NWD2: variants seen among roughly 807,000 people sequenced by gnomAD.
The protein encoded by NWD2 is NACHT and WD repeat domain-containing protein 2.
NWD2 carries 37 observed loss-of-function variants against 132.7 expected under a neutral mutation model. That is an observed-to-expected ratio of 0.28 (90% confidence interval 0.21 to 0.37). The LOEUF (loss-of-function observed/expected upper bound fraction) is 0.37. NWD2 is among the 10% of genes least tolerant of loss of function. The pLI is 1.00. For synonymous variants in NWD2, 705 were observed against 803.0 expected (o/e 0.88, Z 2.06); for missense variants, 1,592 against 2,122.4 (o/e 0.75, Z 4.91).
chr4:37,321,122 A>C (rs1001232127), intron 1 of NWD2, among the ~76,000 whole-genome samples: 4 of 152,146 alleles, frequency 2.6e-5, no homozygotes, highest in Non-Finnish European at 5.9e-5. Context: ...ATGCCACTGC[A>C]CTTTCAGCCT....
intron 3 of NWD2, among the ~76,000 whole-genome samples, chr4:37,380,766 GC>G (rs1720435968): frequency 6.6e-6 from 1 of 152,190 alleles, no homozygotes; most frequent in African/African-American, 2.4e-5. Context: ...AGTACTCACA[GC>G]TAGCAAGTGA....
chr4:37,386,165 CT>C (rs1441767569), intron 3 of NWD2, among the ~76,000 whole-genome samples: 1 of 151,924 alleles, frequency 6.6e-6, no homozygotes, highest in East Asian at 1.9e-4. Flanking sequence ...TGTTATTTCT[CT>C]ATAAAGAAAG....
rs1712656621 is a variant in NWD2, at chr4:37,447,075, T to A, written c.5087T>A (p.Val1696Asp). The A allele has an allele frequency of 1.3e-6, 2 of 1,551,632 alleles. No homozygotes were observed. The highest frequency in any genetic ancestry group is 1.7e-6 in the Non-Finnish European group (2 of 1,146,996). ...VDCLWRESTEVFARDSPITVS... is the reference protein window; with the variant it reads ...VDCLWRESTEDFARDSPITVS... ...TGCTTATGGAGAGAGTCCACTGAGG[T>A]CTTTGCAAGAGACAGCCCCATCACA... is the stretch of plus-strand genomic sequence containing the variant. Residue 1696 changes from valine to aspartate, a missense_variant, in exon 7 of 7, where the codon GTC (valine) becomes GAC (aspartate). Physicochemically the swap from Val to Asp is radical, Grantham distance 152. This residue lies in a region of NWD2 where 257 missense variants were observed against 335.0 expected (regional missense o/e 0.77). Transcript: ENST00000309447.
At chr4:37,285,791 A>G (rs1451294451) in intron 1 of NWD2, among the ~76,000 whole-genome samples, 5 of 152,324 alleles carry the variant, frequency 3.3e-5, no homozygotes, top group South Asian at 2.1e-4. Context: ...TGATTTTTTA[A>G]ATCAAAAGTA....
rs554121350 is a variant in NWD2, at chr4:37,438,255, C to T, written c.707-546C>T. Among the ~76,000 whole-genome samples the T allele has an allele frequency of 4.1e-5, 6 of 146,778 alleles. 1 individual carries two copies. Among genetic ancestry groups the T allele is most frequent in the South Asian group, 2.2e-4 (1 of 4,542 alleles). ...CAGCCTGGGCGACAGAGCGAGACTC[C>T]GTCTAAACAAAAAAAAAAAAAGAAA... is the stretch of plus-strand genomic sequence containing the variant. On this transcript the variant is annotated intron_variant, in intron 5 of 6. Coordinates refer to ENST00000309447, the MANE Select transcript of NWD2 (RefSeq NM_001144990.2).
chr4:37,316,499 G>A (rs1454157338), intron 1 of NWD2, among the ~76,000 whole-genome samples: 1 of 151,948 alleles, frequency 6.6e-6, no homozygotes. Context: ...GAACTTCTTT[G>A]GATGTGTAGA....
chr4:37,444,135 G>A lies in NWD2; in HGVS notation c.2147G>A (p.Ser716Asn), dbSNP rs754936901. ...LYIARLKEGL[S>N]GYLIERHVKN... ...ATTGCAAGGCTCAAGGAGGGTCTCA[G>A]TGGATACCTAATAGAAAGACATGTG... Residue 716 changes from serine (S) to asparagine (N), a missense_variant, in exon 7 of 7, where the codon AGT (serine) becomes AAT (asparagine). Physicochemically the swap from Ser to Asn is conservative, Grantham distance 46 (BLOSUM62 1). Around this residue, in one of 7 missense-constraint regions of NWD2, gnomAD observed 1,071 missense variants for 1,398.0 expected, o/e 0.77. Transcript: ENST00000309447. The surrounding 1 kb of genome is among the most constrained non-coding windows in gnomAD (Gnocchi z 4.8). 9.7e-6 allele frequency: 15 copies of A among 1,551,774 alleles called. No homozygotes were observed. Among genetic ancestry groups the A allele is most frequent in the Non-Finnish European group, 1.3e-5 (15 of 1,147,006 alleles).
At chr4:37,344,082 AAC>A (rs1719583494) in intron 2 of NWD2, among the ~76,000 whole-genome samples, 1 of 152,198 alleles carries the variant, frequency 6.6e-6, no homozygotes, top group African/African-American at 2.4e-5. Flanking sequence ...ATGTGCTGTC[AAC>A]AAGTTAGTAT....
chr4:37,424,619 C>T (rs1190807388), intron 3 of NWD2, among the ~76,000 whole-genome samples: 1 of 152,330 alleles, frequency 6.6e-6, no homozygotes, highest in South Asian at 2.1e-4. Context: ...CAGCTTGTTA[C>T]AGCACCAGTT....
chr4:37,282,353 CCT>C (rs1718145428), intron 1 of NWD2, among the ~76,000 whole-genome samples: 1 of 151,886 alleles, frequency 6.6e-6, no homozygotes, highest in Admixed American at 6.6e-5. Context: ...GTTTTTTTCC[CCT>C]GAGCCTGCTT....
chr4:37,395,472 CA>C (rs1392357027), intron 3 of NWD2, among the ~76,000 whole-genome samples: 1 of 146,914 alleles, frequency 6.8e-6, no homozygotes, highest in Non-Finnish European at 1.5e-5. Context: ...CAGTCCAAAT[CA>C]AAATGTCAGT....
chr4:37,276,786 A>G (rs1718024619), intron 1 of NWD2, among the ~76,000 whole-genome samples: 1 of 152,138 alleles, frequency 6.6e-6, no homozygotes, highest in Non-Finnish European at 1.5e-5. Context: ...CACATACACC[A>G]TGGAATACTA....
intron 3 of NWD2, among the ~76,000 whole-genome samples, chr4:37,401,009 G>T (rs910956929): frequency 6.6e-6 from 1 of 152,144 alleles, no homozygotes; most frequent in Non-Finnish European, 1.5e-5. Context: ...TAGTCATTTT[G>T]TACAAGGCAC....
intron 2 of NWD2, among the ~76,000 whole-genome samples, chr4:37,336,485 G>A (rs1719407816): frequency 1.3e-5 from 2 of 152,194 alleles, no homozygotes; most frequent in Admixed American, 6.5e-5. Flanking sequence ...GGGTCTGTCT[G>A]GGTGGGATCA....
chr4:37,391,804 C>T (rs550301473), intron 3 of NWD2, among the ~76,000 whole-genome samples: 10 of 152,308 alleles, frequency 6.6e-5, no homozygotes, highest in Admixed American at 1.3e-4. Flanking sequence ...CCTCCTGCCC[C>T]GCTGTCTTCC....
Position 37,447,123 on chromosome 4 carries a change from A to G in NWD2, c.5135A>G (p.Asn1712Ser), listed in dbSNP as rs991717989. Residue 1712 changes from asparagine (N) to serine (S), a missense_variant, in exon 7 of 7, where the codon AAT becomes AGT. Physicochemically the swap from Asn to Ser is conservative, Grantham distance 46. Coordinates refer to ENST00000309447, the MANE Select transcript of NWD2 (RefSeq NM_001144990.2). ...ACAGTTAGTGACTCTACTGAGTCCA[A>G]TGAAGCAACACCCTCCAAGAAACAC... ...PITVSDSTES[N>S]EATPSKKHNS... 291 of 1,551,408 alleles carry G rather than the reference A, an allele frequency of 1.9e-4. 1 individual carries two copies. In the East Asian group the frequency reaches 5.2e-3, roughly 28 times the overall value.
chr4:37,368,823 C>T (rs775850052), intron 3 of NWD2, among the ~76,000 whole-genome samples: 46 of 152,222 alleles, frequency 3.0e-4, no homozygotes, highest in Non-Finnish European at 4.1e-4. Flanking sequence ...GTTAAATTTC[C>T]GCTTAAGCTT....
intron 3 of NWD2, among the ~76,000 whole-genome samples, chr4:37,417,592 A>G (rs1253308828): frequency 6.6e-6 from 1 of 152,174 alleles, no homozygotes; most frequent in East Asian, 1.9e-4. Context: ...AAAAAGATCT[A>G]TTGGAAATAA....
At chr4:37,347,903 C>A (rs1335425758) in intron 2 of NWD2, among the ~76,000 whole-genome samples, 2 of 152,330 alleles carry the variant, frequency 1.3e-5, no homozygotes, top group East Asian at 3.9e-4. Context: ...TTGTGCATGG[C>A]ACAACTAAAG....
Sources: allele counts gnomAD v4.1 joint callset (sites outside exome capture counted in the v4.1 genomes callset), GRCh38; gene constraint gnomAD v4.1.1; regional missense constraint gnomAD v4.1.1; non-coding constraint Gnocchi (gnomAD v3.1); transcripts MANE v1.5; gene names NCBI Gene and HGNC (gene_info 2026-07-23, HGNC 2026-07-21).